The following MCTP1 variants were observed in gnomAD, a reference collection of about 807,000 sequenced individuals.
MCTP1 encodes the protein multiple C2 and transmembrane domain-containing protein 1.
A neutral mutation model predicts 120.6 loss-of-function variants in MCTP1; 69 were observed. The observed-to-expected ratio is 0.57, with a 90% CI of 0.47 to 0.70. The LOEUF is 0.70. Ranked by LOEUF, MCTP1 falls within the 30% of genes least tolerant of loss-of-function variation. The pLI is 0.00. For missense variants in MCTP1, 1,203 were observed against 1,248.8 expected, an observed-to-expected ratio of 0.96 and a Z score of 0.55; for synonymous variants, 529 against 493.1, an observed-to-expected ratio of 1.07 and a Z score of -0.96.
chr5:94,842,558 A>C (rs547367320), intron 17 of MCTP1, among the ~76,000 whole-genome samples: 37 of 152,312 alleles, frequency 2.4e-4, no homozygotes, highest in African/African-American at 8.4e-4. Context: ...TGTTTGGGGA[A>C]AAAATCATCA....
intron 1 of MCTP1, among the ~76,000 whole-genome samples, chr5:95,098,335 C>G (rs1756434383): frequency 6.6e-6 from 1 of 152,112 alleles, no homozygotes; most frequent in South Asian, 2.1e-4. Flanking sequence ...GAATATTAAC[C>G]CTTAATCTGT....
chr5:94,845,945 G>T (rs892562323), intron 17 of MCTP1, among the ~76,000 whole-genome samples: 1 of 152,048 alleles, frequency 6.6e-6, no homozygotes, highest in African/African-American at 2.4e-5. Flanking sequence ...CAAAACCACA[G>T]TGAGATACCA....
At chr5:95,274,299 C>T (rs72781410) in intron 1 of MCTP1, among the ~76,000 whole-genome samples, 2 of 152,278 alleles carry the variant, frequency 1.3e-5, no homozygotes, top group Non-Finnish European at 2.9e-5. Flanking sequence ...AGGAAGTGGC[C>T]GCCAGACAGA....
At chr5:94,847,622 C>T (rs103258) in intron 17 of MCTP1, among the ~76,000 whole-genome samples, 138,316 of 148,940 alleles carry the variant, frequency 0.93, 64,395 homozygotes, top group African/African-American at 0.98. Flanking sequence ...AAAATCTTTA[C>T]TGATCATATT....
chr5:94,879,961 T>C (rs1799712745), intron 12 of MCTP1, among the ~76,000 whole-genome samples: 1 of 152,068 alleles, frequency 6.6e-6, no homozygotes, highest in Non-Finnish European at 1.5e-5. Context: ...AGTCTTGGAA[T>C]TGAACCATAT....
Position 94,705,391 on chromosome 5 carries a change from T to C in MCTP1, c.*2105A>G, listed in dbSNP as rs1318201569. 4.0e-5 allele frequency: 6 copies of C among 150,872 alleles called. No individual in the cohort carries two copies. The highest frequency in any genetic ancestry group is 8.9e-5 in the Non-Finnish European group (6 of 67,554). The allele number at this position is 150,872 out of a possible 1,614,324, so 9.3% of individuals were successfully genotyped here. A position where few individuals can be genotyped will look rare whatever the true frequency, so the allele number is the denominator to read the frequency against. ...TCACCCCTCCAGAGGTATTTTCATA[T>C]AAGAGTCAGAGTTTCAGGAAAAAGG... On this transcript the variant is annotated 3_prime_UTR_variant, in exon 23 of 23. Transcript: ENST00000515393.
At chr5:94,986,548 C>T (rs1056223178) in intron 2 of MCTP1, among the ~76,000 whole-genome samples, 2 of 152,162 alleles carry the variant, frequency 1.3e-5, no homozygotes, top group African/African-American at 4.8e-5. Flanking sequence ...CTCACTCTGT[C>T]ACCCAGGCTG....
intron 6 of MCTP1, among the ~76,000 whole-genome samples, chr5:94,926,582 T>C (rs1414870043): frequency 1.3e-5 from 2 of 152,208 alleles, no homozygotes; most frequent in African/African-American, 4.8e-5. Context: ...ATCGTTTCAC[T>C]GTATACATTT....
intron 6 of MCTP1, among the ~76,000 whole-genome samples, chr5:94,926,686 A>G (rs1305626480): frequency 1.3e-5 from 2 of 152,110 alleles, no homozygotes; most frequent in East Asian, 3.9e-4. Context: ...TCACCCTTCC[A>G]TCTATCTTTC....
At chr5:94,973,086 G>A (rs948934666) in intron 2 of MCTP1, among the ~76,000 whole-genome samples, 1 of 152,148 alleles carries the variant, frequency 6.6e-6, no homozygotes, top group African/African-American at 2.4e-5. Context: ...TCTAATAAAT[G>A]TTTGTCAAGC....
chr5:95,284,694 C>A lies in MCTP1; in HGVS notation c.-119G>T. Reference sequence around the variant, plus strand: ...GCGCTGGCGGTGGCGGCGGCGGCGGCGGCGGGCGCAGCAGCAGAAACCGGG... The same window carrying A: ...GCGCTGGCGGTGGCGGCGGCGGCGGAGGCGGGCGCAGCAGCAGAAACCGGG... On this transcript the variant is annotated 5_prime_UTR_variant, in exon 1 of 23. Transcript: ENST00000515393. This position sits in a 1 kb window ranked among gnomAD's most constrained non-coding sequence, Gnocchi z 5.2. 1.2e-6 allele frequency: 1 copy of A among 868,386 alleles called. No individual in the cohort carries two copies. The highest frequency in any genetic ancestry group is 1.6e-6 in the Non-Finnish European group (1 of 617,132). The allele number at this position is 868,386 out of a possible 1,614,324, so 53.8% of individuals were successfully genotyped here.
At chr5:94,797,136 T>C (rs1312861413) in intron 18 of MCTP1, among the ~76,000 whole-genome samples, 1 of 152,160 alleles carries the variant, frequency 6.6e-6, no homozygotes, top group African/African-American at 2.4e-5. Context: ...TAATTTTAAG[T>C]ACAAAAGGAT....
intron 1 of MCTP1, among the ~76,000 whole-genome samples, chr5:95,146,575 G>A (rs1219408814): frequency 6.6e-6 from 1 of 152,014 alleles, no homozygotes; most frequent in East Asian, 1.9e-4. Context: ...ATTTTGGTAA[G>A]TTGTATCTTT....
intron 19 of MCTP1, among the ~76,000 whole-genome samples, chr5:94,766,105 G>A (rs569499640): frequency 6.6e-6 from 1 of 152,124 alleles, no homozygotes; most frequent in African/African-American, 2.4e-5. Flanking sequence ...AAATTAGCTG[G>A]GCATGGTGGC....
chr5:95,237,030 A>C (rs1173173526), intron 1 of MCTP1, among the ~76,000 whole-genome samples: 4 of 152,178 alleles, frequency 2.6e-5, no homozygotes, highest in Non-Finnish European at 4.4e-5. Context: ...TTTTCATATC[A>C]GTTCACATTC....
chr5:95,267,852 C>A (rs1168906779), intron 1 of MCTP1, among the ~76,000 whole-genome samples: 1 of 152,234 alleles, frequency 6.6e-6, no homozygotes, highest in Non-Finnish European at 1.5e-5. Context: ...ACACACACAC[C>A]TTCCCTCTTA....
At chr5:95,207,413 C>T (rs1010232271) in intron 1 of MCTP1, among the ~76,000 whole-genome samples, 1 of 152,074 alleles carries the variant, frequency 6.6e-6, no homozygotes, top group Non-Finnish European at 1.5e-5. Flanking sequence ...TGTGTTTACC[C>T]CAATCTAGTG....
chr5:95,190,023 T>G (rs1749655996), intron 1 of MCTP1, among the ~76,000 whole-genome samples: 1 of 152,142 alleles, frequency 6.6e-6, no homozygotes, highest in Non-Finnish European at 1.5e-5. Flanking sequence ...GCAAAGAGAT[T>G]GAAGCATGTT....
intron 19 of MCTP1, among the ~76,000 whole-genome samples, chr5:94,757,462 G>C (rs1316351057): frequency 6.6e-6 from 1 of 152,176 alleles, no homozygotes; most frequent in East Asian, 1.9e-4. Flanking sequence ...ATGTCTTCAT[G>C]ATTAAAATAA....
Sources: gnomAD v4.1 joint callset for allele counts (sites outside exome capture counted in the v4.1 genomes callset) on GRCh38, gnomAD v4.1.1 for gene constraint, Gnocchi (gnomAD v3.1) non-coding constraint, MANE v1.5 for transcripts, NCBI Gene and HGNC (gene_info 2026-07-23, HGNC 2026-07-21) for gene names.